SPIRE1: variants seen among roughly 807,000 people sequenced by gnomAD.
The protein encoded by SPIRE1 is spire type actin nucleation factor 1.
Under a neutral mutation model 94.1 loss-of-function variants are expected in SPIRE1, and 40 were observed. The ratio of observed to expected loss-of-function variants is 0.43; its 90% CI spans 0.33 to 0.55. The LOEUF (loss-of-function observed/expected upper bound fraction) is 0.55. Among genes scored for constraint, SPIRE1 ranks in the 20% least tolerant of loss-of-function variants. SPIRE1 has a pLI of 0.06. For synonymous variants in SPIRE1, 376 were observed against 371.7 expected, an observed-to-expected ratio of 1.01 and a Z score of -0.13; for missense variants, 838 against 975.2, an observed-to-expected ratio of 0.86 and a Z score of 1.87.
chr18:12,519,485 C>T (rs144271267), intron 4 of SPIRE1, among the ~76,000 whole-genome samples: 142 of 152,312 alleles, frequency 9.3e-4, no homozygotes, highest in Non-Finnish European at 1.7e-3. Flanking sequence ...TGCTAATACA[C>T]ATTCACCTTT....
intron 5 of SPIRE1, among the ~76,000 whole-genome samples, chr18:12,507,705 T>TAA (rs202106911): frequency 6.8e-6 from 1 of 147,570 alleles, no homozygotes; most frequent in African/African-American, 2.5e-5. Context: ...TCTCAAAAAA[T>TAA]AAAAAAAAAA....
chr18:12,563,800 T>C (rs2035750564), intron 2 of SPIRE1, among the ~76,000 whole-genome samples: 2 of 152,242 alleles, frequency 1.3e-5, no homozygotes, highest in South Asian at 2.1e-4. Context: ...TTAAAAACTT[T>C]AGGAGTTACA....
intron 2 of SPIRE1, among the ~76,000 whole-genome samples, chr18:12,552,111 G>A (rs1169601878): frequency 2.6e-5 from 4 of 152,236 alleles, no homozygotes; most frequent in African/African-American, 7.2e-5. Context: ...CAGAGGAATC[G>A]CCTAAATGCC....
intron 11 of SPIRE1, among the ~76,000 whole-genome samples, 194 bp from the exon 12 acceptor site, chr18:12,463,687 C>T (rs1247685983): frequency 6.6e-6 from 1 of 152,128 alleles, no homozygotes; most frequent in Non-Finnish European, 1.5e-5. Context: ...AGTAAACTTG[C>T]TACAGAAATA....
At chr18:12,577,179 G>A (rs1224003554) in intron 2 of SPIRE1, among the ~76,000 whole-genome samples, 28 of 151,908 alleles carry the variant, frequency 1.8e-4, no homozygotes, top group Admixed American at 1.7e-3. Flanking sequence ...ACGGAGTCTA[G>A]CTCTGTCACC....
intron 1 of SPIRE1, among the ~76,000 whole-genome samples, chr18:12,656,188 C>A (rs1308010747): frequency 1.3e-5 from 2 of 152,158 alleles, no homozygotes; most frequent in Non-Finnish European, 2.9e-5. Flanking sequence ...CTTGAGCCAC[C>A]GCACCTGGCA....
chr18:12,454,218 G>T, intron 13 of SPIRE1, 128 bp downstream of exon 13: 2 of 1,077,834 alleles, frequency 1.9e-6, no homozygotes, highest in Non-Finnish European at 2.8e-6. Flanking sequence ...ACTAGGATAT[G>T]AACATCACAC....
At chr18:12,541,566 C>T (rs1017982322) in intron 3 of SPIRE1, among the ~76,000 whole-genome samples, 15 of 152,008 alleles carry the variant, frequency 9.9e-5, no homozygotes, top group South Asian at 4.2e-4. Context: ...AGTAAGCATC[C>T]TTTTTTATCT....
At chr18:12,581,638 C>A (rs1259098113) in intron 2 of SPIRE1, among the ~76,000 whole-genome samples, 1 of 152,046 alleles carries the variant, frequency 6.6e-6, no homozygotes, top group Non-Finnish European at 1.5e-5. Flanking sequence ...TCAAGGCGGG[C>A]GGATGACCTG....
intron 4 of SPIRE1, among the ~76,000 whole-genome samples, chr18:12,519,343 TGCACACACGCAC>T (rs1402672364): frequency 6.6e-6 from 1 of 152,026 alleles, no homozygotes; most frequent in Non-Finnish European, 1.5e-5. Context: ...TACACACATG[TGCACACACGCAC>T]GCACACACAC....
chr18:12,615,335 A>AAAAAAAAATAAAAAAAAT (rs1555632302), intron 2 of SPIRE1, among the ~76,000 whole-genome samples: 4 of 39,922 alleles, frequency 1.0e-4, no homozygotes, highest in Non-Finnish European at 3.2e-4. Context: ...CTCAAAAAAA[A>AAAAAAAAATAAAAAAAAT]AAAAAAAAAA....
At chr18:12,478,560 GGTGT>G (rs1330989333) in intron 10 of SPIRE1, among the ~76,000 whole-genome samples, 1 of 147,548 alleles carries the variant, frequency 6.8e-6, no homozygotes, top group African/African-American at 2.5e-5. Context: ...GTGAAGCTAG[GGTGT>G]GTGTGTGAAG....
intron 1 of SPIRE1, among the ~76,000 whole-genome samples, chr18:12,656,203 T>C (rs762339864): frequency 2.0e-5 from 3 of 150,774 alleles, no homozygotes; most frequent in Admixed American, 6.6e-5. Context: ...CTGGCAGACA[T>C]TGCTGTATTT....
At chr18:12,587,660 A>G (rs1432329871) in intron 2 of SPIRE1, among the ~76,000 whole-genome samples, 1 of 152,162 alleles carries the variant, frequency 6.6e-6, no homozygotes, top group South Asian at 2.1e-4. Flanking sequence ...CAACTCTACA[A>G]GTGACACATA....
At chr18:12,598,408 G>A (rs992203782) in intron 2 of SPIRE1, among the ~76,000 whole-genome samples, 3 of 151,670 alleles carry the variant, frequency 2.0e-5, no homozygotes, top group Non-Finnish European at 2.9e-5. Flanking sequence ...TGGCTTTCTG[G>A]CAGTATCTGT....
intron 2 of SPIRE1, among the ~76,000 whole-genome samples, chr18:12,624,542 CAAA>C (rs549240260): frequency 5.3e-5 from 4 of 75,640 alleles, no homozygotes; most frequent in Non-Finnish European, 2.6e-5. Context: ...GACACTGACT[CAAA>C]AAAAAAAAAA....
At chr18:12,481,202 C>T (rs1194718173) in intron 9 of SPIRE1, among the ~76,000 whole-genome samples, 4 of 151,922 alleles carry the variant, frequency 2.6e-5, no homozygotes, top group East Asian at 1.9e-4. Flanking sequence ...TGGTGGTGGA[C>T]GCCTGTAATC....
intron 1 of SPIRE1, among the ~76,000 whole-genome samples, chr18:12,649,078 T>C (rs1033105637): frequency 3.3e-5 from 5 of 152,056 alleles, no homozygotes; most frequent in Admixed American, 2.6e-4. Flanking sequence ...ATTATCTGCA[T>C]TCTCTTTTCA....
At chr18:12,622,893 A>C (rs2037515450) in intron 2 of SPIRE1, among the ~76,000 whole-genome samples, 1 of 152,214 alleles carries the variant, frequency 6.6e-6, no homozygotes, top group African/African-American at 2.4e-5. Context: ...TTCTTCCTGG[A>C]AAGTTCCACT....
Sources: gnomAD v4.1 joint callset for allele counts (sites outside exome capture counted in the v4.1 genomes callset) on GRCh38, gnomAD v4.1.1 for gene constraint, MANE v1.5 for transcripts, NCBI Gene and HGNC (gene_info 2026-07-23, HGNC 2026-07-21) for gene names.